Variants in FBXL20 observed in about 807,000 individuals in gnomAD.
FBXL20 encodes F-box and leucine rich repeat protein 20, also known as F-box/LRR-repeat protein 20.
FBXL20 carries 11 observed loss-of-function variants against 64.0 expected under a neutral mutation model. That is an observed-to-expected ratio of 0.17 (90% CI 0.11 to 0.28). FBXL20 has a LOEUF of 0.28. FBXL20 is among the 10% of genes least tolerant of loss of function. FBXL20 has a pLI of 1.00. For missense variants in FBXL20, 303 were observed against 526.2 expected (o/e 0.58, Z 4.15); for synonymous variants, 184 against 189.0 (o/e 0.97, Z 0.22).
chr17:39,293,098 G>T (rs1235723182), intron 6 of FBXL20, among the ~76,000 whole-genome samples: 1 of 151,588 alleles, frequency 6.6e-6, no homozygotes, highest in Non-Finnish European at 1.5e-5. Flanking sequence ...TGGCCAACAT[G>T]TCTTACAATT....
chr17:39,277,855 T>C (rs1012752076), intron 9 of FBXL20, among the ~76,000 whole-genome samples: 1 of 151,214 alleles, frequency 6.6e-6, no homozygotes, highest in African/African-American at 2.4e-5. Context: ...ATCACCTCAA[T>C]AATTTTGGGC....
chr17:39,310,073 A>G (rs7225544), intron 2 of FBXL20, among the ~76,000 whole-genome samples: 7,739 of 151,284 alleles, frequency 0.051, 659 homozygotes, highest in African/African-American at 0.18. Context: ...GGATTGTTTG[A>G]ATCAAGGAAA....
chr17:39,286,808 AT>A (rs1366208546), intron 6 of FBXL20, among the ~76,000 whole-genome samples: 4 of 151,504 alleles, frequency 2.6e-5, no homozygotes, highest in African/African-American at 7.3e-5. Flanking sequence ...CAAAAAAAAA[AT>A]TTTTTTTATG....
At chr17:39,279,298 AG>A (rs2046927668) in intron 9 of FBXL20, among the ~76,000 whole-genome samples, 1 of 152,066 alleles carries the variant, frequency 6.6e-6, no homozygotes, top group Non-Finnish European at 1.5e-5. Context: ...CAGACATTTG[AG>A]ACCAGCCTGG....
At chr17:39,313,060 C>T (rs1486931224) in intron 2 of FBXL20, among the ~76,000 whole-genome samples, 2 of 143,298 alleles carry the variant, frequency 1.4e-5, no homozygotes, top group Non-Finnish European at 1.5e-5. Flanking sequence ...CTGGAATTAC[C>T]GGCGCGCACC....
At position 39,357,564 on chromosome 17, in the gene FBXL20, T is replaced by A. The variant is rs190122217; in HGVS notation, c.43-14323A>T. Among the ~76,000 whole-genome samples, 3 of 152,308 alleles carry A rather than the reference T, an allele frequency of 2.0e-5. No individual in the cohort carries two copies. The East Asian group carries it at 5.8e-4, about 29-fold the overall frequency. On this transcript the variant is annotated intron_variant, in intron 1 of 14. Transcript: ENST00000264658. ...CTTACGCGAAACCCCCTTTATTTCT[T>A]GAGACAGTGTCTTACTATGTCACCC...
At position 39,259,257 on chromosome 17, in the gene FBXL20, A is replaced by C. The variant is rs974251543; in HGVS notation, c.*2203T>G. On this transcript the variant is annotated 3_prime_UTR_variant, in exon 15 of 15. Coordinates refer to ENST00000264658, the MANE Select transcript of FBXL20 (RefSeq NM_032875.3). ...GGTGGGAGGAAGGCTTGAGCCCAGG[A>C]GTTTGAGTCCAGGCTGGGCAAGATA... The C allele has an allele frequency of 1.3e-5, 2 of 152,160 alleles. No individual in the cohort carries two copies. Among genetic ancestry groups the C allele is most frequent in the Non-Finnish European group, 2.9e-5 (2 of 68,064 alleles). The allele number at this position is 152,160 out of a possible 1,614,324, so 9.4% of individuals were successfully genotyped here. A position where few individuals can be genotyped will look rare whatever the true frequency, so the allele number is the denominator to read the frequency against.
At chr17:39,353,491 A>AGTAT (rs1269560763) in intron 1 of FBXL20, among the ~76,000 whole-genome samples, 1 of 152,124 alleles carries the variant, frequency 6.6e-6, no homozygotes, top group Non-Finnish European at 1.5e-5. Context: ...TAGGTATATA[A>AGTAT]GTATAGAAAA....
At chr17:39,378,776 A>G (rs1192553856) in intron 1 of FBXL20, among the ~76,000 whole-genome samples, 1 of 151,392 alleles carries the variant, frequency 6.6e-6, no homozygotes, top group Admixed American at 6.6e-5. Flanking sequence ...CGCCCAGCTA[A>G]TTTTTGTATT....
rs574958696 is a variant in FBXL20 at position 39,293,899 on chromosome 17, G to C, written c.398+3228C>G. Among the ~76,000 whole-genome samples the C allele has an allele frequency of 2.0e-5, 3 of 150,666 alleles. No individual in the cohort carries two copies. The South Asian group carries it at 6.3e-4, about 31-fold the overall frequency. On this transcript the variant is annotated intron_variant, in intron 6 of 14. Coordinates refer to ENST00000264658, the MANE Select transcript of FBXL20 (RefSeq NM_032875.3). ...AGCTACTTTAGCCTCCTTGAATTCTGATCTCTTTCTTTTCAAATCAGCAAA... is the reference window on the plus strand; with the variant it reads ...AGCTACTTTAGCCTCCTTGAATTCTCATCTCTTTCTTTTCAAATCAGCAAA...
chr17:39,286,914 T>A (rs924260521), intron 6 of FBXL20, among the ~76,000 whole-genome samples: 2 of 148,646 alleles, frequency 1.3e-5, no homozygotes, highest in African/African-American at 5.0e-5. Context: ...TATTTCTTTT[T>A]TTTTTTTTTT....
intron 2 of FBXL20, among the ~76,000 whole-genome samples, chr17:39,341,780 T>C (rs2047585329): frequency 6.6e-6 from 1 of 152,184 alleles, no homozygotes; most frequent in Admixed American, 6.6e-5. Flanking sequence ...ACCACTGAGA[T>C]TTACGACTTG....
intron 14 of FBXL20, 138 bp downstream of exon 14, chr17:39,264,037 G>C: frequency 2.2e-6 from 2 of 924,392 alleles, no homozygotes; most frequent in East Asian, 5.2e-5. Context: ...CCTTAGGTTT[G>C]CACTTTTTTC....
At chr17:39,372,120 T>C (rs2047924048) in intron 1 of FBXL20, among the ~76,000 whole-genome samples, 1 of 152,148 alleles carries the variant, frequency 6.6e-6, no homozygotes, top group Non-Finnish European at 1.5e-5. Context: ...TTTTCCTTTT[T>C]CCCATACAAG....
chr17:39,276,221 G>GAAAAAAAAAAAAAAAAA (rs1215336803), intron 9 of FBXL20, among the ~76,000 whole-genome samples: 35 of 60,340 alleles, frequency 5.8e-4, no homozygotes, highest in South Asian at 1.6e-3. Context: ...AGCAAGAAAA[G>GAAAAAAAAAAAAAAAAA]AAAAAAAAAA....
intron 8 of FBXL20, among the ~76,000 whole-genome samples, chr17:39,282,286 A>G (rs575287920): frequency 2.6e-5 from 4 of 152,220 alleles, no homozygotes; most frequent in Non-Finnish European, 5.9e-5. Flanking sequence ...CTGGCAGGAA[A>G]TAAGCATCAA....
At chr17:39,315,870 A>AGCGAGAGAGC (rs1555607925) in intron 2 of FBXL20, among the ~76,000 whole-genome samples, 1 of 139,318 alleles carries the variant, frequency 7.2e-6, no homozygotes, top group Non-Finnish European at 1.6e-5. Flanking sequence ...AGAGAGAGAG[A>AGCGAGAGAGC]GCAACTGTAG....
intron 2 of FBXL20, among the ~76,000 whole-genome samples, chr17:39,317,734 C>CCCAG: frequency 8.0e-6 from 1 of 124,976 alleles, no homozygotes; most frequent in Non-Finnish European, 1.6e-5. Context: ...CGGAGTCTCA[C>CCCAG]TCTGTCACCC....
chr17:39,325,600 A>G (rs2047401446), intron 2 of FBXL20, among the ~76,000 whole-genome samples: 1 of 152,172 alleles, frequency 6.6e-6, no homozygotes, highest in African/African-American at 2.4e-5. Context: ...CATTTAGAAA[A>G]TGGATAGAAA....
Sources: gnomAD v4.1 joint callset for allele counts (sites outside exome capture counted in the v4.1 genomes callset) on GRCh38, gnomAD v4.1.1 for gene constraint, MANE v1.5 for transcripts, NCBI Gene and HGNC (gene_info 2026-07-23, HGNC 2026-07-21) for gene names.